The following SUPT3H variants were observed in gnomAD, a reference collection of about 807,000 sequenced individuals.
The protein encoded by SUPT3H is transcription initiation protein SPT3 homolog.
SUPT3H carries 44 observed loss-of-function variants against 44.3 expected under a neutral mutation model. That is an observed-to-expected ratio of 0.99 (90% CI 0.78 to 1.28). The LOEUF (loss-of-function observed/expected upper bound fraction) is 1.28, where lower values mean the gene tolerates loss of function less well. Among genes scored for constraint, SUPT3H ranks in the 50% most tolerant of loss-of-function variants. The pLI is 0.00. For missense variants in SUPT3H, 380 were observed against 387.1 expected (o/e 0.98, Z 0.15); for synonymous variants, 124 against 125.6 (o/e 0.99, Z 0.09).
intron 10 of SUPT3H, among the ~76,000 whole-genome samples, chr6:44,861,038 C>G (rs1774571778): frequency 6.6e-6 from 1 of 152,094 alleles, no homozygotes; most frequent in African/African-American, 2.4e-5. Context: ...CACTGAGATA[C>G]TCTAATTTTC....
chr6:44,933,357 C>T (rs1302336147), intron 9 of SUPT3H, among the ~76,000 whole-genome samples: 1 of 151,844 alleles, frequency 6.6e-6, no homozygotes, highest in Non-Finnish European at 1.5e-5. Flanking sequence ...TTTGCAAGCA[C>T]AAAAAGATAC....
At chr6:45,299,335 CAAA>C (rs10657198) in intron 2 of SUPT3H, among the ~76,000 whole-genome samples, 4 of 138,298 alleles carry the variant, frequency 2.9e-5, no homozygotes, top group Admixed American at 7.3e-5. Context: ...GACTCTGCCT[CAAA>C]AAAAAAAAAA....
chr6:44,853,800 G>C (rs538914307), intron 10 of SUPT3H, among the ~76,000 whole-genome samples: 1 of 151,930 alleles, frequency 6.6e-6, no homozygotes, highest in South Asian at 2.1e-4. Flanking sequence ...AGCAAATAAA[G>C]TTTGCTTTAT....
At chr6:45,135,933 T>G (rs1562528233) in intron 2 of SUPT3H, among the ~76,000 whole-genome samples, 1 of 152,212 alleles carries the variant, frequency 6.6e-6, no homozygotes, top group African/African-American at 2.4e-5. Context: ...TGATCGCTAA[T>G]TATCCTGCAT....
intron 3 of SUPT3H, among the ~76,000 whole-genome samples, chr6:45,032,223 A>G (rs1787049548): frequency 6.6e-6 from 1 of 152,178 alleles, no homozygotes; most frequent in Non-Finnish European, 1.5e-5. Context: ...TACAGTATTT[A>G]TCAAATTAGA....
At position 45,359,480 on chromosome 6, in the gene SUPT3H, C is replaced by T. The variant is rs564292694; in HGVS notation, c.101+5721G>A. Among the ~76,000 whole-genome samples, 6 of 151,978 alleles carry T rather than the reference C, an allele frequency of 3.9e-5. No individual in the cohort carries two copies. In the South Asian group the frequency reaches 1.2e-3, roughly 32 times the overall value. Reference sequence around the variant, plus strand: ...ACAAAAAGTAAATGGGTAAGTTTACCACATATTTTAGTGTAATTTAAATAT... The same window carrying T: ...ACAAAAAGTAAATGGGTAAGTTTACTACATATTTTAGTGTAATTTAAATAT... On this transcript the variant is annotated intron_variant, in intron 2 of 10. Transcript: ENST00000371459.
intron 2 of SUPT3H, among the ~76,000 whole-genome samples, chr6:45,160,010 C>G (rs1055616651): frequency 2.0e-5 from 3 of 152,084 alleles, no homozygotes; most frequent in African/African-American, 7.2e-5. Flanking sequence ...ATTTATGGTA[C>G]AGTCATCAGA....
At chr6:45,092,627 G>C (rs1284484850) in intron 3 of SUPT3H, among the ~76,000 whole-genome samples, 7 of 151,740 alleles carry the variant, frequency 4.6e-5, no homozygotes, top group Non-Finnish European at 1.0e-4. Context: ...GCAGGCACCT[G>C]TAATCCCAGC....
At chr6:45,060,614 G>A (rs1791841669) in intron 3 of SUPT3H, among the ~76,000 whole-genome samples, 1 of 152,034 alleles carries the variant, frequency 6.6e-6, no homozygotes, top group African/African-American at 2.4e-5. Flanking sequence ...AAACTAAAGA[G>A]CTTCTGTACT....
chr6:45,070,411 T>C (rs1265384788), intron 3 of SUPT3H, among the ~76,000 whole-genome samples: 1 of 152,078 alleles, frequency 6.6e-6, no homozygotes, highest in African/African-American at 2.4e-5. Context: ...TATACTTTTG[T>C]TGTTGATAAG....
At chr6:45,350,063 T>C (rs1791700470) in intron 2 of SUPT3H, among the ~76,000 whole-genome samples, 1 of 152,118 alleles carries the variant, frequency 6.6e-6, no homozygotes, top group African/African-American at 2.4e-5. Context: ...AAGTCTAAAG[T>C]TTTTATACAC....
chr6:44,945,441 C>T (rs996402477), intron 9 of SUPT3H, among the ~76,000 whole-genome samples: 8 of 152,076 alleles, frequency 5.3e-5, no homozygotes, highest in Non-Finnish European at 1.2e-4. Context: ...GCCCTCTTGC[C>T]CCAAATAGCC....
At chr6:45,015,032 G>C (rs537866388) in intron 4 of SUPT3H, 141 bp from the exon 5 acceptor site, 6 of 431,808 alleles carry the variant, frequency 1.4e-5, no homozygotes, top group Non-Finnish European at 2.3e-5. Context: ...ATACTGCTAT[G>C]ACATAAAAAG....
intron 11 of SUPT3H, among the ~76,000 whole-genome samples, chr6:44,810,558 A>G (rs1766439612): frequency 6.6e-6 from 1 of 150,680 alleles, no homozygotes; most frequent in African/African-American, 2.4e-5. Context: ...AAAAAATATC[A>G]CCCCAAAATG....
At chr6:45,113,827 CAA>C (rs374606230) in intron 2 of SUPT3H, among the ~76,000 whole-genome samples, 40 of 112,716 alleles carry the variant, frequency 3.5e-4, no homozygotes, top group Middle Eastern at 5.0e-3. Flanking sequence ...AAGACTCCAT[CAA>C]AAAAAAAAAA....
chr6:45,321,840 G>T, intron 2 of SUPT3H: 1 of 1,600,404 alleles, frequency 6.2e-7, no homozygotes, highest in African/African-American at 1.3e-5. Context: ...GATAACAATA[G>T]GGAAAAACTG....
chr6:45,376,652 G>A (rs1028738431), intron 1 of SUPT3H, among the ~76,000 whole-genome samples: 2 of 152,180 alleles, frequency 1.3e-5, no homozygotes, highest in Non-Finnish European at 2.9e-5. Context: ...ACTTTCCATA[G>A]CACAATGAAG....
intron 3 of SUPT3H, among the ~76,000 whole-genome samples, chr6:45,048,221 CTTTTTT>C (rs67557043): frequency 1.1e-5 from 1 of 88,196 alleles, no homozygotes; most frequent in African/African-American, 6.2e-5. Flanking sequence ...TCTCTCTACT[CTTTTTT>C]TTTTTTTTTT....
chr6:44,965,351 T>C (rs940304305), intron 6 of SUPT3H, among the ~76,000 whole-genome samples: 20 of 152,204 alleles, frequency 1.3e-4, no homozygotes, highest in African/African-American at 4.6e-4. Context: ...GATAAAAATA[T>C]TATCATTTTC....
Sources: allele counts gnomAD v4.1 joint callset (sites outside exome capture counted in the v4.1 genomes callset), GRCh38; gene constraint gnomAD v4.1.1; transcripts MANE v1.5; gene names NCBI Gene and HGNC (gene_info 2026-07-23, HGNC 2026-07-21).